AVL9: variants seen among roughly 807,000 people sequenced by gnomAD.
AVL9 encodes the protein AVL9 cell migration associated, also known as late secretory pathway protein AVL9 homolog.
In AVL9, 49 loss-of-function variants were observed where a neutral mutation model predicts 79.2. The observed-to-expected ratio is 0.62, with a 90% confidence interval of 0.49 to 0.79. The LOEUF is 0.79. Among genes scored for constraint, AVL9 ranks in the 30% least tolerant of loss-of-function variants. The pLI, the probability that AVL9 is intolerant of heterozygous loss-of-function variation, is 0.00. For synonymous variants in AVL9, 299 were observed against 280.6 expected, an observed-to-expected ratio of 1.07 and a Z score of -0.65; for missense variants, 682 against 776.8, an observed-to-expected ratio of 0.88 and a Z score of 1.45.
rs1791748752 is a variant in AVL9, at chr7:32,585,753, A to G, written c.*1846A>G. On this transcript the variant is annotated 3_prime_UTR_variant, in exon 16 of 16. Coordinates refer to ENST00000318709, the MANE Select transcript of AVL9 (RefSeq NM_015060.3). ...TAACTCAAGAATTCAGCGATGATAA[A>G]TTGAAGGGCTGAATGTGAGAACTCC... 6.6e-6 allele frequency: 1 copy of G among 152,246 alleles called. No homozygotes were observed. The highest frequency in any genetic ancestry group is 2.1e-4 in the South Asian group (1 of 4,834). 9.4% of individuals were successfully genotyped at this position (152,246 alleles called of 1,614,324 possible). A position where few individuals can be genotyped will look rare whatever the true frequency, so the allele number is the denominator to read the frequency against.
rs1271884396 is a variant in AVL9, at chr7:32,544,728, A to T, written c.249A>T (p.Gly83=). Residue 83 remains glycine (G), a synonymous_variant, in exon 3 of 16, where the codon GGA becomes GGT. Coordinates refer to ENST00000318709, the MANE Select transcript of AVL9 (RefSeq NM_015060.3). ...TVFFHLPPRN[G]NGATVFGISC... ...TTTTTCACTTGCCACCCAGAAATGGAAATGGAGCCACAGTATTTGGTATCT... is the reference window on the plus strand; with the variant it reads ...TTTTTCACTTGCCACCCAGAAATGGTAATGGAGCCACAGTATTTGGTATCT... 6.2e-7 allele frequency: 1 copy of T among 1,613,780 alleles called. No homozygotes were observed. The highest frequency in any genetic ancestry group is 1.3e-5 in the African/African-American group (1 of 74,914).
chr7:32,535,921 C>G (rs1788885441), intron 1 of AVL9: 1 of 152,138 alleles, frequency 6.6e-6, no homozygotes, highest in Admixed American at 6.5e-5. Context: ...TTATAAATAT[C>G]TGGCATTTCC....
chr7:32,575,089 T>TTTTTGTTTTG (rs10634953), intron 12 of AVL9, among the ~76,000 whole-genome samples: 4,463 of 149,454 alleles, frequency 0.03, 209 homozygotes, highest in African/African-American at 0.1. Flanking sequence ...TTTAAGACTT[T>TTTTTGTTTTG]TTTTGTTTTG....
chr7:32,576,810 T>A (rs1791125649), intron 13 of AVL9, among the ~76,000 whole-genome samples: 2 of 151,962 alleles, frequency 1.3e-5, no homozygotes, highest in South Asian at 4.2e-4. Context: ...AAGTTAATAT[T>A]TGGACTCCTG....
rs1412692497 is a variant in AVL9, at chr7:32,571,679, G to A, written c.1351-1520G>A. Among the ~76,000 whole-genome samples the A allele has an allele frequency of 1.6e-4, 7 of 42,704 alleles. No individual in the cohort carries two copies. In the East Asian group the frequency reaches 4.3e-3, roughly 26 times the overall value. The allele number at this position is 42,704 out of a possible 152,430, so 28.0% of individuals were successfully genotyped here. On this transcript the variant is annotated intron_variant, in intron 11 of 15. Coordinates refer to ENST00000318709, the MANE Select transcript of AVL9 (RefSeq NM_015060.3). ...TTATTATAATCCCAAATTTGAAGAA[G>A]AAAAAGTACATTTTCCAAGACAGGA...
intron 1 of AVL9, among the ~76,000 whole-genome samples, chr7:32,511,688 C>T (rs929523587): frequency 8.6e-5 from 13 of 151,626 alleles, no homozygotes; most frequent in African/African-American, 2.9e-4. Flanking sequence ...TGGGAAGGGG[C>T]GACATTAGTC....
intron 1 of AVL9, chr7:32,536,935 A>G (rs1788937969): frequency 1.3e-5 from 2 of 152,222 alleles, no homozygotes; most frequent in African/African-American, 4.8e-5. Flanking sequence ...CATCTTTAGC[A>G]TGCTGCCCTC....
rs999484792 is a variant in AVL9, at chr7:32,570,956, G to C, written c.1350+802G>C. ...TTTGAGAAATTTTATGAGGCTCGGC[G>C]CAGTGGCTCACGCCTGTAATCCCAG... On this transcript the variant is annotated intron_variant, in intron 11 of 15. Transcript: ENST00000318709. 3.4e-5 allele frequency among the ~76,000 whole-genome samples: 5 copies of C among 145,666 alleles called. No individual in the cohort carries two copies. The East Asian group carries it at 1.1e-3, about 32-fold the overall frequency.
chr7:32,503,450 C>G (rs919653375), intron 1 of AVL9, among the ~76,000 whole-genome samples: 3 of 144,538 alleles, frequency 2.1e-5, no homozygotes, highest in African/African-American at 5.1e-5. Context: ...CCCAGCTACT[C>G]GGGAGGCTGA....
Position 32,573,343 on chromosome 7 carries a change from G to T in AVL9, c.1495G>T (p.Glu499Ter). 1 of 1,613,910 alleles carries T rather than the reference G, an allele frequency of 6.2e-7. No homozygotes were observed. The highest frequency in any genetic ancestry group is 2.2e-5 in the East Asian group (1 of 44,872). Residue 499 changes from glutamate to a stop codon, truncating the protein, a stop_gained, in exon 12 of 16, where the codon GAG (glutamate) becomes TAG (stop). Transcript: ENST00000318709. LOFTEE classifies it high-confidence loss of function. ...DDVFLDGTGWEGGDEWIRAQF... is the reference protein window; with the variant it reads ...DDVFLDGTGW ...CGTCTTCCTAGATGGCACGGGCTGG[G>T]AGGGAGGTGACGAATGGATCCGGGC...
At chr7:32,552,187 A>C (rs1435038341) in intron 5 of AVL9, 42 bp from the exon 6 acceptor site, 2 of 1,226,732 alleles carry the variant, frequency 1.6e-6, no homozygotes, top group Non-Finnish European at 2.4e-6. Context: ...TTCAGATCTA[A>C]AATGATAGTA....
chr7:32,545,706 C>T (rs933504892), intron 3 of AVL9, among the ~76,000 whole-genome samples: 2 of 152,154 alleles, frequency 1.3e-5, no homozygotes, highest in Admixed American at 1.3e-4. Flanking sequence ...ACTATAATAG[C>T]TCTAATTGAT....
At chr7:32,563,965 A>G (rs1790442825) in intron 10 of AVL9, among the ~76,000 whole-genome samples, 1 of 152,166 alleles carries the variant, frequency 6.6e-6, no homozygotes, top group Non-Finnish European at 1.5e-5. Flanking sequence ...CTGGTAAAGC[A>G]AGTAGCCACA....
chr7:32,577,747 T>C (rs1043361807), intron 13 of AVL9, among the ~76,000 whole-genome samples: 2 of 152,220 alleles, frequency 1.3e-5, no homozygotes, highest in Non-Finnish European at 2.9e-5. Context: ...AAAAGGATTA[T>C]GAAATAGTGC....
rs150903654 is a variant in AVL9, at chr7:32,580,303, T to A, written c.1742+31T>A. ...TACTTAGAGAAAATACTGGGAAAATTCTTAAGTCTGAATTTATGCCATGTG... is the reference window on the plus strand; with the variant it reads ...TACTTAGAGAAAATACTGGGAAAATACTTAAGTCTGAATTTATGCCATGTG... On this transcript the variant is annotated intron_variant, in intron 14 of 15. Transcript: ENST00000318709. 2.7e-4 allele frequency: 420 copies of A among 1,554,294 alleles called. 4 individuals carry two copies. The East Asian group carries it at 9.4e-3, about 35-fold the overall frequency.
intron 15 of AVL9, among the ~76,000 whole-genome samples, chr7:32,582,059 T>G (rs147566324): frequency 0.011 from 1,636 of 152,340 alleles, 24 homozygotes; most frequent in African/African-American, 0.037. Context: ...CTTAAAATAT[T>G]TTGAATATTG....
At chr7:32,523,990 C>T (rs1008035500) in intron 1 of AVL9, among the ~76,000 whole-genome samples, 1 of 151,842 alleles carries the variant, frequency 6.6e-6, no homozygotes, top group South Asian at 2.1e-4. Flanking sequence ...ACCTCAGCCT[C>T]CCAAAGTGCT....
At chr7:32,504,979 T>G (rs951047789) in intron 1 of AVL9, among the ~76,000 whole-genome samples, 1 of 152,022 alleles carries the variant, frequency 6.6e-6, no homozygotes, top group African/African-American at 2.4e-5. Context: ...GTACAAGCGA[T>G]TCTCCTGCCT....
intron 1 of AVL9, among the ~76,000 whole-genome samples, chr7:32,518,409 G>A (rs1184663183): frequency 1.3e-5 from 2 of 152,050 alleles, no homozygotes; most frequent in African/African-American, 4.8e-5. Context: ...AGAATGTAAA[G>A]TTAAATACAT....
Sources: gnomAD v4.1 joint callset for allele counts (sites outside exome capture counted in the v4.1 genomes callset) on GRCh38, gnomAD v4.1.1 for gene constraint, MANE v1.5 for transcripts, NCBI Gene and HGNC (gene_info 2026-07-23, HGNC 2026-07-21) for gene names.